GRM7: variants seen among roughly 807,000 people sequenced by gnomAD.
GRM7 encodes glutamate metabotropic receptor 7, also known as metabotropic glutamate receptor 7.
In GRM7, 35 loss-of-function variants were observed where a neutral mutation model predicts 84.5. That is an observed-to-expected ratio of 0.41 (90% CI 0.32 to 0.55). The LOEUF is 0.55. Among genes scored for constraint, GRM7 ranks in the 20% least tolerant of loss-of-function variants. The pLI, the probability that GRM7 is intolerant of heterozygous loss-of-function variation, is 0.19. For synonymous variants in GRM7, 487 were observed against 455.1 expected (o/e 1.07, Z -0.89); for missense variants, 1,003 against 1,194.6 (o/e 0.84, Z 2.36).
chr3:7,563,521 T>C (rs1694122098), intron 7 of GRM7, among the ~76,000 whole-genome samples: 1 of 152,118 alleles, frequency 6.6e-6, no homozygotes, highest in Admixed American at 6.6e-5. Context: ...AAAGACCATT[T>C]CAGCTTGAAG....
intron 4 of GRM7, among the ~76,000 whole-genome samples, chr3:7,336,144 A>G (rs1434516910): frequency 6.6e-6 from 1 of 152,128 alleles, no homozygotes; most frequent in Non-Finnish European, 1.5e-5. Flanking sequence ...AAAATTCTCA[A>G]CAAAATACTT....
chr3:7,228,204 G>A (rs1044185888), intron 2 of GRM7, among the ~76,000 whole-genome samples: 1 of 152,164 alleles, frequency 6.6e-6, no homozygotes, highest in African/African-American at 2.4e-5. Flanking sequence ...ATAAGGGAAA[G>A]TGCTGATGTC....
intron 2 of GRM7, among the ~76,000 whole-genome samples, chr3:7,200,964 ATT>A (rs71625339): frequency 1.6e-4 from 16 of 98,150 alleles, no homozygotes; most frequent in Admixed American, 3.5e-4. Context: ...ACATTTCAGA[ATT>A]TTTTTTTTTT....
At chr3:7,648,931 G>A (rs1698794332) in intron 8 of GRM7, among the ~76,000 whole-genome samples, 1 of 152,112 alleles carries the variant, frequency 6.6e-6, no homozygotes, top group African/African-American at 2.4e-5. Flanking sequence ...TTCAGTCAGA[G>A]TGGCCTGAGA....
At chr3:6,865,818 A>G (rs1694919896) in intron 1 of GRM7, among the ~76,000 whole-genome samples, 1 of 151,980 alleles carries the variant, frequency 6.6e-6, no homozygotes, top group Admixed American at 6.6e-5. Context: ...GTGGTGTGGT[A>G]TTACTACGGT....
At chr3:7,728,232 G>C (rs1702199001) in intron 9 of GRM7, among the ~76,000 whole-genome samples, 1 of 152,198 alleles carries the variant, frequency 6.6e-6, no homozygotes, top group Admixed American at 6.5e-5. Flanking sequence ...GTGTGTTCTT[G>C]TGGCCCAATA....
intron 2 of GRM7, among the ~76,000 whole-genome samples, chr3:7,153,381 T>C (rs10510348): frequency 0.01 from 1,552 of 152,210 alleles, 62 homozygotes; most frequent in Admixed American, 0.08. Context: ...TCATGGACTT[T>C]GTTGTATTTC....
At chr3:7,528,518 T>C (rs1055449072) in intron 7 of GRM7, among the ~76,000 whole-genome samples, 2 of 152,096 alleles carry the variant, frequency 1.3e-5, no homozygotes, top group African/African-American at 4.8e-5. Flanking sequence ...TCAGTTTTAT[T>C]TAATTCTGCT....
At chr3:6,992,302 C>T (rs146598018) in intron 1 of GRM7, among the ~76,000 whole-genome samples, 474 of 152,264 alleles carry the variant, frequency 3.1e-3, no homozygotes, top group African/African-American at 9.7e-3. Context: ...TTTTAGGAGT[C>T]CTTAAAGATA....
chr3:7,298,161 A>G (rs1699874843), intron 2 of GRM7, among the ~76,000 whole-genome samples: 1 of 152,172 alleles, frequency 6.6e-6, no homozygotes, highest in Non-Finnish European at 1.5e-5. Context: ...ATGATTTAGT[A>G]TAGTTGATGT....
intron 7 of GRM7, among the ~76,000 whole-genome samples, chr3:7,569,457 CT>C (rs1173051523): frequency 6.6e-6 from 1 of 152,144 alleles, no homozygotes; most frequent in East Asian, 1.9e-4. Context: ...AATCAGCACC[CT>C]GTCAAAACAG....
intron 2 of GRM7, among the ~76,000 whole-genome samples, chr3:7,263,898 C>T (rs1345709788): frequency 6.6e-6 from 1 of 152,080 alleles, no homozygotes; most frequent in Non-Finnish European, 1.5e-5. Context: ...GCAAGGTCTG[C>T]CTGCATACAC....
intron 1 of GRM7, among the ~76,000 whole-genome samples, chr3:6,961,441 T>G (rs1693292771): frequency 6.6e-6 from 1 of 152,150 alleles, no homozygotes; most frequent in African/African-American, 2.4e-5. Context: ...CCTATTAGAC[T>G]GCTGAATTGA....
chr3:7,411,703 C>A (rs1041287989), intron 4 of GRM7, among the ~76,000 whole-genome samples: 1 of 152,014 alleles, frequency 6.6e-6, no homozygotes, highest in Admixed American at 6.6e-5. Flanking sequence ...CTGTGTATTT[C>A]ATAGGCATTT....
intron 1 of GRM7, among the ~76,000 whole-genome samples, chr3:6,913,169 T>C (rs1696829922): frequency 6.6e-6 from 1 of 152,196 alleles, no homozygotes; most frequent in Non-Finnish European, 1.5e-5. Context: ...TATATGTAGC[T>C]ATATGTCTTT....
At chr3:7,223,046 A>C (rs1696863023) in intron 2 of GRM7, among the ~76,000 whole-genome samples, 1 of 152,224 alleles carries the variant, frequency 6.6e-6, no homozygotes, top group Non-Finnish European at 1.5e-5. Context: ...TCCCTTCAAC[A>C]ATCATAGTTT....
At chr3:6,930,931 C>A (rs1246846107) in intron 1 of GRM7, among the ~76,000 whole-genome samples, 2 of 152,208 alleles carry the variant, frequency 1.3e-5, no homozygotes, top group Admixed American at 1.3e-4. Context: ...TTCTCACCTT[C>A]AGGAGTAGCC....
At chr3:7,267,006 A>G (rs1184779533) in intron 2 of GRM7, among the ~76,000 whole-genome samples, 1 of 152,234 alleles carries the variant, frequency 6.6e-6, no homozygotes, top group Non-Finnish European at 1.5e-5. Flanking sequence ...AGTTTTCCTT[A>G]CAAAGTAAAG....
In GRM7 at chr3:7,209,723, A is replaced by G. The variant is rs538760988; in HGVS notation, c.736+63055A>G. Among the ~76,000 whole-genome samples the G allele has an allele frequency of 2.6e-5, 4 of 152,346 alleles. No homozygotes were observed. In the South Asian group the frequency reaches 8.3e-4, roughly 32 times the overall value. On this transcript the variant is annotated intron_variant, in intron 2 of 9. Transcript: ENST00000357716. Reference sequence around the variant, plus strand: ...GGGCTTAAAACTGAAGAGAAGGCATACAAACCAGATGCAAAGTGTTCAACG... The same window carrying G: ...GGGCTTAAAACTGAAGAGAAGGCATGCAAACCAGATGCAAAGTGTTCAACG...
Sources: gnomAD v4.1 joint callset for allele counts (sites outside exome capture counted in the v4.1 genomes callset) on GRCh38, gnomAD v4.1.1 for gene constraint, MANE v1.5 for transcripts, NCBI Gene and HGNC (gene_info 2026-07-23, HGNC 2026-07-21) for gene names.